Variants in ATRX observed in about 807,000 individuals in gnomAD.
The protein encoded by ATRX is chromatin remodeler ATRX.
Under a neutral mutation model 172.6 loss-of-function variants are expected in ATRX, and 12 were observed. The observed-to-expected ratio is 0.07, with a 90% CI of 0.04 to 0.11. The LOEUF (loss-of-function observed/expected upper bound fraction) is 0.11, where lower values mean the gene tolerates loss of function less well. Ranked by LOEUF, ATRX falls within the 10% of genes least tolerant of loss-of-function variation. The probability of loss-of-function intolerance (pLI) is 1.00; values close to 1 mark genes in which losing one functional copy is unlikely to be tolerated. For synonymous variants in ATRX, 674 were observed against 594.7 expected (o/e 1.13, Z -1.94); for missense variants, 1,368 against 1,767.4 (o/e 0.77, Z 4.05).
intron 1 of ATRX, among the ~76,000 whole-genome samples, chrX:77,772,124 G>A (rs1224980028): frequency 1.8e-5 from 2 of 109,574 alleles, no homozygotes; most frequent in African/African-American, 6.7e-5. Flanking sequence ...GGGAAAACCC[G>A]TCTCTACTAA....
intron 22 of ATRX, among the ~76,000 whole-genome samples, chrX:77,614,490 A>C (rs2067276306): frequency 8.9e-6 from 1 of 111,926 alleles, no homozygotes; most frequent in Non-Finnish European, 1.9e-5. Context: ...TTAGATATTT[A>C]CTCCTATCAA....
chrX:77,548,752 T>C (rs939659507), intron 30 of ATRX, among the ~76,000 whole-genome samples: 1 of 112,496 alleles, frequency 8.9e-6, no homozygotes, highest in Non-Finnish European at 1.9e-5. Context: ...CTAATAAAAC[T>C]GTACAATAAC....
chrX:77,598,297 GAAAGGGGGCAAAGACTGAAAAAC>G lies in ATRX; in HGVS notation c.5956+1091_5956+1113del, dbSNP rs2066540841. ...GGAGGACTACTAGAGTGGGGAGAGA[GAAAGGGGGCAAAGACTGAAAAAC>G]TAACTACTGAGTACTATGTTCAGTA... On this transcript the variant is annotated intron_variant, in intron 25 of 34. Coordinates refer to ENST00000373344, the MANE Select transcript of ATRX (RefSeq NM_000489.6). Among the ~76,000 whole-genome samples the G allele has an allele frequency of 2.7e-5, 3 of 110,728 alleles. No individual in the cohort carries two copies. The East Asian group carries it at 8.5e-4, about 31-fold the overall frequency.
chrX:77,681,699 C>T lies in ATRX; in HGVS notation c.3557G>A (p.Arg1186Lys), dbSNP rs2148570252. The change falls in exon 9 of 35, where the codon AGA (arginine) becomes AAA (lysine). Residue 1186 changes from arginine to lysine, a missense_variant. Physicochemically the swap from Arg to Lys is conservative, Grantham distance 26 (BLOSUM62 2). This residue lies in a region of ATRX where 843 missense variants were observed against 643.1 expected (regional missense o/e 1.31). Transcript: ENST00000373344. ...TTTAGTGCTTGTTCTTAGGGAGTTT[C>T]TCTTTTTCTCCTTGACAATGACTGC... ...KKAVIVKEKK[R>K]NSLRTSTKRK... is the part of the protein sequence containing the mutation. The T allele has an allele frequency of 8.3e-7, 1 of 1,208,540 alleles. No individual in the cohort carries two copies. Among genetic ancestry groups the T allele is most frequent in the Non-Finnish European group, 1.1e-6 (1 of 894,669 alleles).
chrX:77,551,377 G>T (rs1011321852), intron 30 of ATRX, among the ~76,000 whole-genome samples: 1 of 111,495 alleles, frequency 9.0e-6, no homozygotes, highest in Non-Finnish European at 1.9e-5. Context: ...AGGATTCCCT[G>T]TTTAATAAAT....
intron 22 of ATRX, among the ~76,000 whole-genome samples, chrX:77,602,326 C>T (rs2066710888): frequency 9.2e-6 from 1 of 108,780 alleles, no homozygotes; most frequent in African/African-American, 3.3e-5. Flanking sequence ...TTAGCTGTGC[C>T]TTTTTTTTTC....
intron 27 of ATRX, chrX:77,575,545 C>T (rs988644976): frequency 2.7e-5 from 3 of 111,263 alleles, no homozygotes; most frequent in Non-Finnish European, 5.7e-5. Context: ...AGCATTTCAA[C>T]ATACTCACCT....
At chrX:77,610,959 T>C (rs920556228) in intron 22 of ATRX, among the ~76,000 whole-genome samples, 8 of 108,188 alleles carry the variant, frequency 7.4e-5, no homozygotes, top group Admixed American at 7.0e-4. Flanking sequence ...TAAATAAATA[T>C]ATATATATAG....
In ATRX at chrX:77,683,810, T is replaced by G. The variant is rs886044778; in HGVS notation, c.1446A>C (p.Glu482Asp). 3.3e-6 allele frequency: 4 copies of G among 1,209,093 alleles called. No homozygotes were observed. In the Admixed American group the frequency reaches 8.7e-5, roughly 26 times the overall value. ...CACCGGTACTTTTATTTGTTCTTTG[T>G]TCCTCTGTTGGAACATTCTGATGCA... Reference protein sequence around the residue: ...EHMHQNVPTEEQRTNKSTGGE... With the variant: ...EHMHQNVPTEDQRTNKSTGGE... The change falls in exon 9 of 35, where the codon GAA becomes GAC. Residue 482 changes from glutamate to aspartate, a missense_variant. By Grantham distance (45) the Glu-to-Asp change is conservative. Coordinates refer to ENST00000373344, the MANE Select transcript of ATRX (RefSeq NM_000489.6).
chrX:77,762,304 C>CAAA (rs782237740), intron 1 of ATRX, among the ~76,000 whole-genome samples: 16 of 23,387 alleles, frequency 6.8e-4, no homozygotes, highest in East Asian at 1.5e-3. Flanking sequence ...GACTCTGTCT[C>CAAA]AAAAAAAAAA....
At chrX:77,543,600 T>C (rs1409480017) in intron 30 of ATRX, among the ~76,000 whole-genome samples, 2 of 111,766 alleles carry the variant, frequency 1.8e-5, no homozygotes, top group Non-Finnish European at 3.8e-5. Context: ...AAACGTGGCA[T>C]ATATACACCA....
intron 22 of ATRX, 41 bp downstream of exon 22, chrX:77,616,572 T>C (rs372248588): frequency 2.2e-5 from 25 of 1,153,522 alleles, no homozygotes; most frequent in Non-Finnish European, 3.0e-5. Context: ...AAAAAGAATG[T>C]CTTTATAGAG....
chrX:77,565,435 A>C (rs782794500), intron 28 of ATRX, among the ~76,000 whole-genome samples: 1 of 112,495 alleles, frequency 8.9e-6, no homozygotes, highest in Non-Finnish European at 1.9e-5. Flanking sequence ...TAGATGTTAG[A>C]ATTGTCTGAC....
rs1331549576 is a variant in ATRX at position 77,716,348 on chromosome X, A to C, written c.133+783T>G. Among the ~76,000 whole-genome samples the C allele has an allele frequency of 6.5e-5, 6 of 92,087 alleles. No individual in the cohort carries two copies. In the South Asian group the frequency reaches 2.7e-3, roughly 41 times the overall value. The allele number at this position is 92,087 out of a possible 115,157, so 80.0% of individuals were successfully genotyped here. On this transcript the variant is annotated intron_variant, in intron 2 of 34. Coordinates refer to ENST00000373344, the MANE Select transcript of ATRX (RefSeq NM_000489.6). ...AATATATATATATATATATATATAT[A>C]TCTTTTTAAAAGAGAGAGACAGGGA... is the stretch of plus-strand genomic sequence containing the variant.
intron 28 of ATRX, chrX:77,561,838 C>T (rs1375575357): frequency 9.0e-6 from 1 of 111,365 alleles, no homozygotes; most frequent in African/African-American, 3.3e-5. Flanking sequence ...TTGTCAAAAC[C>T]AGGAAATTGA....
intron 22 of ATRX, among the ~76,000 whole-genome samples, chrX:77,607,115 A>G (rs1258064523): frequency 1.8e-5 from 2 of 112,083 alleles, no homozygotes; most frequent in Non-Finnish European, 3.8e-5. Context: ...ATTCAACATC[A>G]TACTGGAAGT....
At chrX:77,737,402 G>A (rs1458295063) in intron 1 of ATRX, among the ~76,000 whole-genome samples, 6 of 73,003 alleles carry the variant, frequency 8.2e-5, no homozygotes, top group Admixed American at 5.8e-4. Flanking sequence ...CAGCTTAGGC[G>A]ACAGGGCAAG....
rs1281947806 is a variant in ATRX, at chrX:77,775,712, A to ATTCT, written c.20+10266_20+10269dup. 1.1e-4 allele frequency among the ~76,000 whole-genome samples: 8 copies of ATTCT among 69,825 alleles called. No homozygotes were observed. The East Asian group carries it at 1.7e-3, about 15-fold the overall frequency. The allele number at this position is 69,825 out of a possible 115,157, so 60.6% of individuals were successfully genotyped here. ...AAAAAAACAAAAATTAAAAACAATA[A>ATTCT]TTCTTTATTTATTTATTTATTTATT... On this transcript the variant is annotated intron_variant, in intron 1 of 34. Transcript: ENST00000373344.
chrX:77,762,069 G>A lies in ATRX; in HGVS notation c.20+23913C>T, dbSNP rs147297879. ...TGTAATCCCAGCATTTTGGGAGGCC[G>A]AGGCGGGCAGATCACGAGGTCAGGA... On this transcript the variant is annotated intron_variant, in intron 1 of 34. Transcript: ENST00000373344. Among the ~76,000 whole-genome samples the A allele has an allele frequency of 7.8e-3, 855 of 110,213 alleles. 50 individuals are homozygous for A. In the East Asian group the frequency reaches 0.2, roughly 26 times the overall value.
Sources: gnomAD v4.1 joint callset for allele counts (sites outside exome capture counted in the v4.1 genomes callset) on GRCh38, gnomAD v4.1.1 for gene constraint, gnomAD v4.1.1 regional missense constraint, MANE v1.5 for transcripts, NCBI Gene and HGNC (gene_info 2026-07-23, HGNC 2026-07-21) for gene names.